Variants in MEI1 observed in about 807,000 individuals in gnomAD.
MEI1 encodes meiotic double-stranded break formation protein 1, also known as meiosis inhibitor protein 1.
MEI1 carries 103 observed loss-of-function variants against 146.2 expected under a neutral mutation model. The ratio of observed to expected loss-of-function variants is 0.70; its 90% confidence interval spans 0.60 to 0.83. The LOEUF is 0.83. Ranked by LOEUF, MEI1 falls within the 40% of genes least tolerant of loss-of-function variation. The probability of loss-of-function intolerance (pLI) is 0.00; values close to 1 mark genes in which losing one functional copy is unlikely to be tolerated. For missense variants in MEI1, 1,529 were observed against 1,533.0 expected, an observed-to-expected ratio of 1.00 and a Z score of 0.04; for synonymous variants, 652 against 628.2, an observed-to-expected ratio of 1.04 and a Z score of -0.57.
At chr22:41,704,036 A>G (rs1398751995) in intron 2 of MEI1, among the ~76,000 whole-genome samples, 1 of 152,210 alleles carries the variant, frequency 6.6e-6, no homozygotes, top group African/African-American at 2.4e-5. Context: ...GTCTTTGTAC[A>G]GGACCAGAAT....
At chr22:41,798,372 T>C (rs1035592469) in intron 30 of MEI1, among the ~76,000 whole-genome samples, 3 of 150,034 alleles carry the variant, frequency 2.0e-5, no homozygotes, top group Non-Finnish European at 4.4e-5. Context: ...AGCTCAGGAG[T>C]TTGAGACCAG....
intron 16 of MEI1, chr22:41,753,679 A>G (rs751248228): frequency 3.7e-6 from 1 of 268,502 alleles, no homozygotes; most frequent in Middle Eastern, 1.3e-3. Flanking sequence ...GGGTTTCACC[A>G]TGTTGGTCAG....
rs565715414 is a variant in MEI1, at chr22:41,722,718, A to G, written c.734-1225A>G. Among the ~76,000 whole-genome samples, 24 of 152,154 alleles carry G rather than the reference A, an allele frequency of 1.6e-4. No individual in the cohort carries two copies. The South Asian group carries it at 5.0e-3, about 32-fold the overall frequency. ...CAAGATTTGGTTCAAATATCTTCTTATAGAAGCCTTCCCTGGGCCCCCAGG... is the reference window on the plus strand; with the variant it reads ...CAAGATTTGGTTCAAATATCTTCTTGTAGAAGCCTTCCCTGGGCCCCCAGG... On this transcript the variant is annotated intron_variant, in intron 6 of 30. Coordinates refer to ENST00000401548, the MANE Select transcript of MEI1 (RefSeq NM_152513.4).
rs528569141 is a variant in MEI1, at chr22:41,731,564, G to A, written c.1097-681G>A. ...TAGAGACGGGGGTCTCTCCATGTTG[G>A]CCAGGCTGGTCTTGAACTCCTGACC... On this transcript the variant is annotated intron_variant, in intron 9 of 30. Transcript: ENST00000401548. 2.0e-5 allele frequency among the ~76,000 whole-genome samples: 3 copies of A among 151,172 alleles called. No homozygotes were observed. The East Asian group carries it at 5.9e-4, about 30-fold the overall frequency.
chr22:41,760,713 A>G (rs1246771164), intron 18 of MEI1, among the ~76,000 whole-genome samples: 1 of 152,206 alleles, frequency 6.6e-6, no homozygotes, highest in Non-Finnish European at 1.5e-5. Context: ...AAGATTTCAC[A>G]TGAAAGGGTC....
In MEI1 at chr22:41,724,077, GTTGTC is replaced by G. The variant is rs755288514; in HGVS notation, c.864+9_864+13del. The G allele has an allele frequency of 1.9e-4, 303 of 1,613,890 alleles. No individual in the cohort carries two copies. Among genetic ancestry groups the G allele is most frequent in the Non-Finnish European group, 2.0e-4 (240 of 1,179,812 alleles). On this transcript the variant is annotated splice_donor_5th_base_variant and intron_variant, in intron 7 of 30. Transcript: ENST00000401548. ...ACTGCCTTTGGTGCTCAAAAAGGTA[GTTGTC>G]TTGTGATTCCTGGTCTCTAGGTTCA...
At chr22:41,781,170 T>A in intron 22 of MEI1, 114 bp from the exon 23 acceptor site, 1 of 708,956 alleles carries the variant, frequency 1.4e-6, no homozygotes, top group Non-Finnish European at 2.5e-6. Context: ...CAGGGATACT[T>A]AGTTTGTGCT....
At chr22:41,708,911 T>C (rs1379931253) in intron 3 of MEI1, among the ~76,000 whole-genome samples, 1 of 152,138 alleles carries the variant, frequency 6.6e-6, no homozygotes, top group African/African-American at 2.4e-5. Context: ...AAAACGAATT[T>C]GTTTTTCCAT....
chr22:41,744,405 C>T (rs921554847), intron 12 of MEI1, among the ~76,000 whole-genome samples: 1 of 151,688 alleles, frequency 6.6e-6, no homozygotes, highest in Non-Finnish European at 1.5e-5. Context: ...ATCTCCTGAC[C>T]TTGTGATCTG....
At chr22:41,715,919 T>C (rs952284151) in intron 4 of MEI1, 122 bp from the exon 5 acceptor site, 1 of 688,638 alleles carries the variant, frequency 1.5e-6, no homozygotes, top group East Asian at 2.9e-5. Flanking sequence ...AAAAAGCTGA[T>C]TGCTGACTGT....
chr22:41,749,279 C>CT (rs60767990), intron 15 of MEI1, among the ~76,000 whole-genome samples: 13 of 145,190 alleles, frequency 9.0e-5, no homozygotes, highest in South Asian at 8.7e-4. Context: ...GGATTTTTTT[C>CT]TTTTTTTTTT....
intron 4 of MEI1, among the ~76,000 whole-genome samples, chr22:41,714,736 C>T (rs1048172345): frequency 6.6e-6 from 1 of 150,614 alleles, no homozygotes; most frequent in African/African-American, 2.4e-5. Context: ...AAAAAATTAG[C>T]TGGGCGTGGT....
At chr22:41,703,305 G>C in intron 1 of MEI1, 26 bp from the exon 2 acceptor site, 21 of 1,607,584 alleles carry the variant, frequency 1.3e-5, no homozygotes, top group Non-Finnish European at 1.8e-5. Context: ...GGTTGCTATT[G>C]AATGTTTTTC....
chr22:41,786,832 A>G (rs547956378), intron 26 of MEI1, among the ~76,000 whole-genome samples: 1 of 152,328 alleles, frequency 6.6e-6, no homozygotes, highest in Admixed American at 6.5e-5. Flanking sequence ...TCTACCTCCA[A>G]GGGGTTTGTG....
At position 41,778,773 on chromosome 22, in the gene MEI1, C is replaced by T; in HGVS notation, c.2776C>T (p.Gln926Ter). 1.2e-6 allele frequency: 2 copies of T among 1,608,900 alleles called. No individual in the cohort carries two copies. Among genetic ancestry groups the T allele is most frequent in the Non-Finnish European group, 8.5e-7 (1 of 1,177,668 alleles). ...SLMQLRNVSE[Q>*]ELDSVAMKLL... The stretch of plus-strand genomic sequence containing the variant: ...GATGCAGCTCAGGAATGTGTCAGAG[C>T]AAGAACTGGACAGCGTGGCCATGAA... The change falls in exon 22 of 31, where the codon CAA becomes TAA. Residue 926 changes from glutamine to a stop codon, truncating the protein, a stop_gained. Transcript: ENST00000401548. LOFTEE classifies it high-confidence loss of function.
intron 15 of MEI1, among the ~76,000 whole-genome samples, chr22:41,750,623 C>A (rs1453652029): frequency 6.6e-6 from 1 of 152,046 alleles, no homozygotes; most frequent in Non-Finnish European, 1.5e-5. Context: ...TTTTTCTACC[C>A]CCTAAGATTG....
intron 19 of MEI1, among the ~76,000 whole-genome samples, chr22:41,764,732 A>C (rs1217711074): frequency 6.6e-6 from 1 of 152,190 alleles, no homozygotes; most frequent in African/African-American, 2.4e-5. Flanking sequence ...CCAATAGCCT[A>C]ATTAACAATG....
At chr22:41,702,177 G>A (rs1416471906) in intron 1 of MEI1, among the ~76,000 whole-genome samples, 3 of 152,286 alleles carry the variant, frequency 2.0e-5, no homozygotes, top group South Asian at 2.1e-4. Context: ...TTTCGCTCTC[G>A]TTGCCCAGGC....
intron 26 of MEI1, among the ~76,000 whole-genome samples, chr22:41,785,752 C>T (rs1418864422): frequency 2.0e-5 from 3 of 150,422 alleles, no homozygotes; most frequent in East Asian, 2.0e-4. Context: ...TTAGTAGAGA[C>T]GGGGTTTCCG....
Sources: allele counts gnomAD v4.1 joint callset (sites outside exome capture counted in the v4.1 genomes callset), GRCh38; gene constraint gnomAD v4.1.1; transcripts MANE v1.5; gene names NCBI Gene and HGNC (gene_info 2026-07-23, HGNC 2026-07-21).